The following FAT3 variants were observed in gnomAD, a reference collection of about 807,000 sequenced individuals.
FAT3 encodes the protein protocadherin Fat 3.
A neutral mutation model predicts 310.2 loss-of-function variants in FAT3; 95 were observed. That is an observed-to-expected ratio of 0.31 (90% CI 0.26 to 0.36). The LOEUF is 0.36. FAT3 is among the 10% of genes least tolerant of loss of function. FAT3 has a pLI of 1.00. For synonymous variants in FAT3, 2,314 were observed against 2,192.9 expected (o/e 1.06, Z -1.54); for missense variants, 5,408 against 5,715.6 (o/e 0.95, Z 1.74).
chr11:92,554,798 T>G (rs560947094), intron 3 of FAT3, among the ~76,000 whole-genome samples: 10 of 152,328 alleles, frequency 6.6e-5, no homozygotes, highest in Admixed American at 4.6e-4. Flanking sequence ...TGGTGCGTTG[T>G]TGCCAGTCTC....
intron 19 of FAT3, among the ~76,000 whole-genome samples, chr11:92,856,277 G>T (rs1012058191): frequency 4.6e-5 from 7 of 152,160 alleles, no homozygotes; most frequent in African/African-American, 1.7e-4. Flanking sequence ...ACTCCTTTAG[G>T]CTATGCCTAA....
chr11:92,774,958 G>T (rs1946561329), intron 7 of FAT3, among the ~76,000 whole-genome samples: 1 of 152,188 alleles, frequency 6.6e-6, no homozygotes, highest in Admixed American at 6.5e-5. Context: ...ATATGGGGCA[G>T]ACCTGTACTA....
rs1056042468 is a variant in FAT3 at position 92,750,770 on chromosome 11, G to T, written c.3670-11086G>T. Among the ~76,000 whole-genome samples the T allele has an allele frequency of 4.6e-5, 7 of 152,144 alleles. No homozygotes were observed. In the East Asian group the frequency reaches 1.2e-3, roughly 25 times the overall value. ...GTTTGGTTTGTTGATCCTGGTGCAG[G>T]CATTCAGTTCAAGCCAATGGCCTCT... On this transcript the variant is annotated intron_variant, in intron 4 of 27. Coordinates refer to ENST00000525166, the MANE Select transcript of FAT3 (RefSeq NM_001367949.2).
At chr11:92,269,899 A>G (rs147280044) in intron 1 of FAT3, among the ~76,000 whole-genome samples, 1 of 152,182 alleles carries the variant, frequency 6.6e-6, no homozygotes, top group African/African-American at 2.4e-5. Flanking sequence ...CTCTAGGGCC[A>G]CCCCAAAATT....
chr11:92,663,606 A>G (rs978105389), intron 3 of FAT3, among the ~76,000 whole-genome samples: 3 of 152,302 alleles, frequency 2.0e-5, no homozygotes, highest in South Asian at 2.1e-4. Flanking sequence ...AGTAGCACAT[A>G]CACCTGCTCA....
intron 4 of FAT3, among the ~76,000 whole-genome samples, chr11:92,753,435 C>A (rs1045422966): frequency 2.0e-5 from 3 of 152,058 alleles, no homozygotes; most frequent in African/African-American, 7.2e-5. Flanking sequence ...GCTGGGGCAA[C>A]GTGGAAGAGG....
Position 92,798,835 on chromosome 11 carries a change from T to TA in FAT3, c.5828dup (p.Asn1943LysfsTer14). The TA allele has an allele frequency of 6.2e-7, 1 of 1,613,818 alleles. No individual in the cohort carries two copies. ...GACTCAAACAGTGGAGTACTTACCA[T>TA]AAAAAACAACAACCTCTCCAAGGAT... On this transcript the variant is annotated frameshift_variant, in exon 10 of 28. Coordinates refer to ENST00000525166, the MANE Select transcript of FAT3 (RefSeq NM_001367949.2). LOFTEE classifies it high-confidence loss of function.
chr11:92,245,650 G>C (rs1864869311), intron 1 of FAT3, among the ~76,000 whole-genome samples: 1 of 152,116 alleles, frequency 6.6e-6, no homozygotes, highest in Non-Finnish European at 1.5e-5. Context: ...GGGCCACACT[G>C]TGTCTATTAC....
At chr11:92,392,092 C>T (rs1380396998) in intron 2 of FAT3, among the ~76,000 whole-genome samples, 1 of 152,004 alleles carries the variant, frequency 6.6e-6, no homozygotes, top group Non-Finnish European at 1.5e-5. Flanking sequence ...GCTGGTTTAT[C>T]ACATGCAGTT....
chr11:92,785,075 G>A (rs923811784), intron 7 of FAT3, among the ~76,000 whole-genome samples: 1 of 151,744 alleles, frequency 6.6e-6, no homozygotes, highest in Non-Finnish European at 1.5e-5. Flanking sequence ...AGTACTATAG[G>A]GCAAAGCTTG....
At chr11:92,760,473 CAAGTACATATATGG>C (rs1946118558) in intron 4 of FAT3, among the ~76,000 whole-genome samples, 1 of 152,152 alleles carries the variant, frequency 6.6e-6, no homozygotes. Context: ...TTCCAGCCTC[CAAGTACATATATGG>C]AAGTAATAAT....
At chr11:92,630,004 G>A (rs753199064) in intron 3 of FAT3, among the ~76,000 whole-genome samples, 4 of 152,090 alleles carry the variant, frequency 2.6e-5, no homozygotes, top group Admixed American at 6.6e-5. Flanking sequence ...TCTGGTGTGC[G>A]CTCAGATATT....
chr11:92,514,860 C>T (rs1225325742), intron 2 of FAT3, among the ~76,000 whole-genome samples: 1 of 152,090 alleles, frequency 6.6e-6, no homozygotes, highest in African/African-American at 2.4e-5. Flanking sequence ...AGGTATAAAT[C>T]GCTTTTGAAA....
intron 1 of FAT3, among the ~76,000 whole-genome samples, chr11:92,346,619 G>A (rs1185963765): frequency 1.3e-5 from 2 of 151,990 alleles, no homozygotes; most frequent in African/African-American, 4.8e-5. Flanking sequence ...AATATTCACG[G>A]AATATTTACT....
chr11:92,761,680 A>T (rs542032822), intron 4 of FAT3, among the ~76,000 whole-genome samples, 176 bp from the exon 5 acceptor site: 1 of 152,312 alleles, frequency 6.6e-6, no homozygotes, highest in Non-Finnish European at 1.5e-5. Context: ...CAATATATGA[A>T]TTTTAAGGGG....
rs1947244581 is a variant in FAT3 at position 92,798,734 on chromosome 11, C to T, written c.5721C>T (p.Ala1907=). 1 of 1,613,650 alleles carries T rather than the reference C, an allele frequency of 6.2e-7. No individual in the cohort carries two copies. Among genetic ancestry groups the T allele is most frequent in the Non-Finnish European group, 8.5e-7 (1 of 1,179,854 alleles). The change falls in exon 10 of 28, where the codon GCC becomes GCT. Residue 1907 remains alanine (A), a synonymous_variant. Coordinates refer to ENST00000525166, the MANE Select transcript of FAT3 (RefSeq NM_001367949.2). ...YVGVEVLKVS[A]TDPDSEVPPE... ...GAGTGGAGGTTCTGAAAGTTAGTGC[C>T]ACAGATCCTGACTCTGAGGTACCCC... is the stretch of plus-strand genomic sequence containing the variant.
intron 7 of FAT3, among the ~76,000 whole-genome samples, chr11:92,785,358 AC>A (rs1946860993): frequency 6.6e-6 from 1 of 152,174 alleles, no homozygotes; most frequent in African/African-American, 2.4e-5. Context: ...TATATTCAGT[AC>A]TATTTACTGT....
intron 1 of FAT3, among the ~76,000 whole-genome samples, chr11:92,231,529 G>A (rs1864179951): frequency 6.6e-6 from 1 of 152,032 alleles, no homozygotes; most frequent in Admixed American, 6.6e-5. Flanking sequence ...AGTTATGAAA[G>A]GTTAAGTGGA....
At chr11:92,865,063 G>A (rs75179522) in intron 21 of FAT3, among the ~76,000 whole-genome samples, 5,265 of 152,236 alleles carry the variant, frequency 0.035, 122 homozygotes, top group Non-Finnish European at 0.052. Flanking sequence ...TACCTGAGTG[G>A]TACATGACAA....
Sources: gnomAD v4.1 joint callset for allele counts (sites outside exome capture counted in the v4.1 genomes callset) on GRCh38, gnomAD v4.1.1 for gene constraint, MANE v1.5 for transcripts, NCBI Gene and HGNC (gene_info 2026-07-23, HGNC 2026-07-21) for gene names.